ACAT1: variants seen among roughly 807,000 people sequenced by gnomAD.
ACAT1 encodes the protein acetyl-CoA acetyltransferase 1.
Under a neutral mutation model 47.3 loss-of-function variants are expected in ACAT1, and 28 were observed. The ratio of observed to expected loss-of-function variants is 0.59; its 90% CI spans 0.44 to 0.81. The LOEUF (loss-of-function observed/expected upper bound fraction) is 0.81. ACAT1 is among the 30% of genes least tolerant of loss of function. The pLI is 0.00. For missense variants in ACAT1, 469 were observed against 524.3 expected (o/e 0.89, Z 1.03); for synonymous variants, 181 against 173.6 (o/e 1.04, Z -0.34).
At chr11:108,136,109 C>G (rs1005112574) in intron 5 of ACAT1, 8 of 703,546 alleles carry the variant, frequency 1.1e-5, no homozygotes, top group East Asian at 5.2e-5. Flanking sequence ...AATATGCTGT[C>G]ATGTCAGGAG....
intron 6 of ACAT1, 32 bp downstream of exon 6, chr11:108,139,073 C>G (rs1366684236): frequency 6.2e-7 from 1 of 1,612,264 alleles, no homozygotes; most frequent in East Asian, 2.2e-5. Flanking sequence ...TAAATGCTAT[C>G]TAATGTCCAA....
chr11:108,135,287 A>C lies in ACAT1; in HGVS notation c.435+45A>C, dbSNP rs770302761. On this transcript the variant is annotated intron_variant, in intron 5 of 11. Transcript: ENST00000265838. The stretch of plus-strand genomic sequence containing the variant: ...CCATTTATTAATCAGAGTAATACCT[A>C]GGGCTAAAAGACACAAAAATCTAGG... 3 of 1,399,766 alleles carry C rather than the reference A, an allele frequency of 2.1e-6. No homozygotes were observed. The African/African-American group carries it at 4.3e-5, about 20-fold the overall frequency. The allele number at this position is 1,399,766 out of a possible 1,614,324, so 86.7% of individuals were successfully genotyped here.
intron 10 of ACAT1, 21 bp downstream of exon 10, chr11:108,144,068 G>A (rs372116973): frequency 1.0e-5 from 16 of 1,601,144 alleles, no homozygotes; most frequent in African/African-American, 1.4e-5. Context: ...AGTGAGGGGC[G>A]ATACTCCATT....
At chr11:108,120,898 A>G (rs1410827551), upstream of ACAT1, among the ~76,000 whole-genome samples, 34 of 151,702 alleles carry the variant, frequency 2.2e-4, 1 homozygote, top group Middle Eastern at 0.014. Context: ...GTCTCTACAA[A>G]AAAAAAAAAA....
chr11:108,121,420 C>T, upstream of ACAT1: 1 of 671,962 alleles, frequency 1.5e-6, no homozygotes, highest in Non-Finnish European at 2.6e-6. Flanking sequence ...CTTTCCTGGC[C>T]CAGGCTGCGG....
At chr11:108,136,272 C>A in intron 5 of ACAT1, 1 of 409,972 alleles carries the variant, frequency 2.4e-6, no homozygotes, top group East Asian at 3.5e-5. Flanking sequence ...GAGTGGTGAA[C>A]AAAACATTTA....
chr11:108,129,773 T>G (rs1443361160), intron 1 of ACAT1, among the ~76,000 whole-genome samples: 1 of 152,162 alleles, frequency 6.6e-6, no homozygotes, highest in East Asian at 1.9e-4. Flanking sequence ...GAAAGGGGAC[T>G]TTTTGAAGAG....
At chr11:108,135,286 T>G in intron 5 of ACAT1, 44 bp downstream of exon 5, 1 of 1,430,612 alleles carries the variant, frequency 7.0e-7, no homozygotes, top group Non-Finnish European at 9.9e-7. Context: ...GAGTAATACC[T>G]AGGGCTAAAA....
At chr11:108,142,015 A>G (rs1164983879) in intron 8 of ACAT1, among the ~76,000 whole-genome samples, 2 of 152,186 alleles carry the variant, frequency 1.3e-5, no homozygotes, top group African/African-American at 4.8e-5. Context: ...TTCTATTTAA[A>G]GTGGTTTGGT....
upstream of ACAT1, among the ~76,000 whole-genome samples, chr11:108,118,969 C>G (rs1442007703): frequency 6.6e-6 from 1 of 152,124 alleles, no homozygotes; most frequent in African/African-American, 2.4e-5. Flanking sequence ...CAGGTGTCTC[C>G]TAAGACACAA....
upstream of ACAT1, among the ~76,000 whole-genome samples, chr11:108,118,797 T>G (rs1345766484): frequency 2.0e-5 from 3 of 152,254 alleles, no homozygotes; most frequent in African/African-American, 4.8e-5. Flanking sequence ...GCTCCAGAAA[T>G]AAATGTACTA....
intron 6 of ACAT1, 111 bp downstream of exon 6, chr11:108,139,152 A>T: frequency 7.2e-7 from 1 of 1,391,740 alleles, no homozygotes; most frequent in Middle Eastern, 2.3e-4. Flanking sequence ...ATAAATGTTG[A>T]TTTTAGCCGT....
At chr11:108,118,612 C>T (rs1257074044), upstream of ACAT1, among the ~76,000 whole-genome samples, 4 of 152,150 alleles carry the variant, frequency 2.6e-5, no homozygotes, top group Non-Finnish European at 4.4e-5. Flanking sequence ...CCTTGTGATC[C>T]GCCTGCCTTG....
chr11:108,139,990 ATAAGTTAGGCAAAGTTAATAGATATTTTC>A, intron 6 of ACAT1, 46 bp from the exon 7 acceptor site: 1 of 1,509,198 alleles, frequency 6.6e-7, no homozygotes, highest in South Asian at 1.2e-5. Context: ...ATTAAACACT[ATAAGTTAGGCAAAGTTAATAGATATTTTC>A]TAAATTATGC....
chr11:108,120,893 TACA>T (rs2077136739), upstream of ACAT1, among the ~76,000 whole-genome samples: 1 of 92,220 alleles, frequency 1.1e-5, no homozygotes, highest in East Asian at 9.9e-4. Flanking sequence ...ACCTAGTCTC[TACA>T]AAAAAAAAAA....
At chr11:108,134,806 G>A (rs540650062) in intron 4 of ACAT1, among the ~76,000 whole-genome samples, 4 of 150,806 alleles carry the variant, frequency 2.7e-5, no homozygotes, top group South Asian at 2.1e-4. Context: ...TTAGTTGGGC[G>A]TGGTGGCCAG....
chr11:108,133,303 T>TA (rs1246366628), intron 2 of ACAT1, among the ~76,000 whole-genome samples: 4 of 152,078 alleles, frequency 2.6e-5, no homozygotes, highest in African/African-American at 9.7e-5. Context: ...GGGACCCTCT[T>TA]AGAGTTGTTT....
intron 5 of ACAT1, among the ~76,000 whole-genome samples, chr11:108,137,380 A>G (rs566630148): frequency 1.3e-5 from 2 of 152,264 alleles, no homozygotes; most frequent in African/African-American, 4.8e-5. Context: ...GGGATACTGT[A>G]AAGGCTTTAT....
intron 7 of ACAT1, 53 bp from the exon 8 acceptor site, chr11:108,141,552 T>C: frequency 7.2e-7 from 1 of 1,386,888 alleles, no homozygotes; most frequent in Non-Finnish European, 1.0e-6. Context: ...AACAGTTGCT[T>C]GCTGAATGAC....
Sources: gnomAD v4.1 joint callset for allele counts (sites outside exome capture counted in the v4.1 genomes callset) on GRCh38, gnomAD v4.1.1 for gene constraint, MANE v1.5 for transcripts, NCBI Gene and HGNC (gene_info 2026-07-23, HGNC 2026-07-21) for gene names.